RUFY1: variants seen among roughly 807,000 people sequenced by gnomAD.
The protein encoded by RUFY1 is RUN and FYVE domain-containing protein 1.
Under a neutral mutation model 94.6 loss-of-function variants are expected in RUFY1, and 54 were observed. The ratio of observed to expected loss-of-function variants is 0.57; its 90% CI spans 0.46 to 0.72. The LOEUF (loss-of-function observed/expected upper bound fraction) is 0.72. RUFY1 is among the 30% of genes least tolerant of loss of function. The pLI is 0.00. For synonymous variants in RUFY1, 396 were observed against 347.3 expected (o/e 1.14, Z -1.56); for missense variants, 883 against 883.9 (o/e 1.00, Z 0.01).
rs542569458 is a variant in RUFY1 at position 179,566,084 on chromosome 5, G to A, written c.603-1377G>A. On this transcript the variant is annotated intron_variant, in intron 3 of 17. Coordinates refer to ENST00000319449, the MANE Select transcript of RUFY1 (RefSeq NM_025158.5). ...TGAGCCTGGGAGTTCCAGGCTGCAG[G>A]GAGCCATCATCATGCCATTCAACAG... Among the ~76,000 whole-genome samples the A allele has an allele frequency of 4.6e-5, 7 of 151,918 alleles. No individual in the cohort carries two copies. In the South Asian group the frequency reaches 1.5e-3, roughly 32 times the overall value.
chr5:179,589,641 T>A lies in RUFY1; in HGVS notation c.1122T>A (p.Ser374Arg), dbSNP rs771731610. ...NELIRERSEK[S>R]VEITKQDTKV... ...TAATTCGAGAAAGAAGTGAAAAGAG[T>A]GTAGAGGTGAGAAATTGACCTACAT... is the stretch of plus-strand genomic sequence containing the variant. The change falls in exon 9 of 18, where the codon AGT (serine) becomes AGA (arginine). Residue 374 changes from serine (S) to arginine (R), a missense_variant. Physicochemically the swap from Ser to Arg is moderately radical, Grantham distance 110 (BLOSUM62 -1). Transcript: ENST00000319449. 3 of 1,609,798 alleles carry A rather than the reference T, an allele frequency of 1.9e-6. No individual in the cohort carries two copies. The South Asian group carries it at 3.3e-5, about 18-fold the overall frequency.
intron 1 of RUFY1, among the ~76,000 whole-genome samples, chr5:179,556,645 T>C (rs1762131022): frequency 6.6e-6 from 1 of 151,962 alleles, no homozygotes; most frequent in South Asian, 2.1e-4. Context: ...GGACTACAGG[T>C]GCACGCCAGC....
chr5:179,580,346 C>T (rs1347512993), intron 6 of RUFY1, among the ~76,000 whole-genome samples: 8 of 151,170 alleles, frequency 5.3e-5, no homozygotes, highest in African/African-American at 1.9e-4. Flanking sequence ...GGGTTCACGC[C>T]ATTCTCCTGC....
At chr5:179,576,781 A>C (rs1276406380) in intron 5 of RUFY1, among the ~76,000 whole-genome samples, 3 of 152,208 alleles carry the variant, frequency 2.0e-5, no homozygotes, top group Non-Finnish European at 4.4e-5. Flanking sequence ...TTGTACACAA[A>C]TAATTTTGTT....
intron 4 of RUFY1, among the ~76,000 whole-genome samples, chr5:179,567,998 A>T (rs1180566429): frequency 6.6e-6 from 1 of 152,222 alleles, no homozygotes; most frequent in Admixed American, 6.5e-5. Flanking sequence ...TAATCCCAGC[A>T]CTTTGGGAGG....
At chr5:179,596,169 A>T in intron 12 of RUFY1, 1 of 302,454 alleles carries the variant, frequency 3.3e-6, no homozygotes, top group Admixed American at 5.0e-5. Context: ...AAAGGAATGA[A>T]CCACTGCCCT....
intron 12 of RUFY1, 179 bp from the exon 13 acceptor site, chr5:179,596,383 T>A: frequency 1.3e-6 from 1 of 783,362 alleles, no homozygotes; most frequent in Admixed American, 1.9e-5. Context: ...GTGGGGAGTT[T>A]TGGGAGTGGT....
chr5:179,575,005 G>A (rs766579320), intron 5 of RUFY1, among the ~76,000 whole-genome samples: 11 of 151,684 alleles, frequency 7.3e-5, no homozygotes, highest in Non-Finnish European at 1.6e-4. Flanking sequence ...AATGTGAAAA[G>A]AGAAGTTGAA....
intron 14 of RUFY1, among the ~76,000 whole-genome samples, chr5:179,601,536 T>TA (rs890663171): frequency 6.7e-6 from 1 of 149,636 alleles, no homozygotes; most frequent in Non-Finnish European, 1.5e-5. Context: ...TTTTTTTTTT[T>TA]AAAGGCCAGT....
At chr5:179,558,129 A>G (rs890703626) in intron 1 of RUFY1, among the ~76,000 whole-genome samples, 1 of 152,200 alleles carries the variant, frequency 6.6e-6, no homozygotes, top group Admixed American at 6.5e-5. Context: ...TTAAAGATAA[A>G]TCTTTACAAA....
intron 8 of RUFY1, among the ~76,000 whole-genome samples, chr5:179,587,383 T>TTTCTTTC (rs367594937): frequency 2.6e-5 from 2 of 75,602 alleles, no homozygotes; most frequent in Non-Finnish European, 5.2e-5. Flanking sequence ...TCTTTCTTTC[T>TTTCTTTC]TTTTTTTTTT....
Position 179,550,785 on chromosome 5 carries a change from G to A in RUFY1, c.216G>A (p.Arg72=), listed in dbSNP as rs1474076882. Residue 72 remains arginine, a synonymous_variant, in exon 1 of 18, where the codon AGG becomes AGA. Coordinates refer to ENST00000319449, the MANE Select transcript of RUFY1 (RefSeq NM_025158.5). The stretch of plus-strand genomic sequence containing the variant: ...CGCCCATCCTGACCCTGGCACGCAG[G>A]GCCACCGGGAACCTGTCGGCGAGCT... ...WSAPILTLAR[R]ATGNLSASCG... 5.1e-6 allele frequency: 7 copies of A among 1,373,972 alleles called. No individual in the cohort carries two copies. Among genetic ancestry groups the A allele is most frequent in the African/African-American group, 4.5e-5 (3 of 66,394 alleles). 85.1% of individuals were successfully genotyped at this position (1,373,972 alleles called of 1,614,324 possible).
chr5:179,592,590 T>G (rs1205896225), intron 10 of RUFY1, among the ~76,000 whole-genome samples: 1 of 152,196 alleles, frequency 6.6e-6, no homozygotes, highest in Admixed American at 6.5e-5. Flanking sequence ...TGAGACCAGA[T>G]TAACGGTTTC....
chr5:179,564,767 C>CA lies in RUFY1; in HGVS notation c.602+2104dup, dbSNP rs10649343. Among the ~76,000 whole-genome samples the CA allele has an allele frequency of 2.4e-3, 365 of 152,084 alleles. 1 individual carries two copies. The highest frequency in any genetic ancestry group is 6.0e-3 in the South Asian group (29 of 4,824). ...ACACATGTAACACATGAAAATGACA[C>CA]ATGTACAGAATGATCTATTGCAGTC... On this transcript the variant is annotated intron_variant, in intron 3 of 17. Transcript: ENST00000319449.
intron 17 of RUFY1, chr5:179,608,420 G>T: frequency 1.0e-6 from 1 of 985,534 alleles, no homozygotes; most frequent in Non-Finnish European, 1.2e-6. Context: ...GTGTCTACAA[G>T]GCCTGGCTGT....
intron 6 of RUFY1, among the ~76,000 whole-genome samples, 181 bp from the exon 7 acceptor site, chr5:179,580,766 C>T (rs1428329561): frequency 6.6e-6 from 1 of 152,124 alleles, no homozygotes; most frequent in Non-Finnish European, 1.5e-5. Context: ...ACGCTGACTA[C>T]TGTGACCCAG....
chr5:179,580,236 T>G (rs1764013889), intron 6 of RUFY1, among the ~76,000 whole-genome samples: 1 of 62,086 alleles, frequency 1.6e-5, no homozygotes, highest in Non-Finnish European at 3.6e-5. Flanking sequence ...TGTGTGTGTG[T>G]GTGTGTATAT....
intron 14 of RUFY1, among the ~76,000 whole-genome samples, chr5:179,601,453 G>A (rs148710431): frequency 0.014 from 2,141 of 151,608 alleles, 62 homozygotes; most frequent in African/African-American, 0.047. Flanking sequence ...ATAGGCATAA[G>A]CCACTGTGCC....
chr5:179,555,390 C>A (rs1453066252), intron 1 of RUFY1, among the ~76,000 whole-genome samples: 1 of 152,094 alleles, frequency 6.6e-6, no homozygotes, highest in Non-Finnish European at 1.5e-5. Context: ...TGGCCAAGGT[C>A]ACAAAGCCAG....
Sources: gnomAD v4.1 joint callset for allele counts (sites outside exome capture counted in the v4.1 genomes callset) on GRCh38, gnomAD v4.1.1 for gene constraint, MANE v1.5 for transcripts, NCBI Gene and HGNC (gene_info 2026-07-23, HGNC 2026-07-21) for gene names.